The following EFCAB5 variants were observed in gnomAD, a reference collection of about 807,000 sequenced individuals.
EFCAB5 encodes the protein EF-hand calcium-binding domain-containing protein 5.
Under a neutral mutation model 167.9 loss-of-function variants are expected in EFCAB5, and 131 were observed. The ratio of observed to expected loss-of-function variants is 0.78; its 90% confidence interval spans 0.68 to 0.90. The LOEUF is 0.90. EFCAB5 is among the 40% of genes least tolerant of loss of function. EFCAB5 has a pLI of 0.00. For synonymous variants in EFCAB5, 574 were observed against 602.8 expected (o/e 0.95, Z 0.70); for missense variants, 1,663 against 1,745.2 (o/e 0.95, Z 0.84).
At chr17:29,934,241 T>TA (rs1367227365) in intron 1 of EFCAB5, among the ~76,000 whole-genome samples, 3 of 152,274 alleles carry the variant, frequency 2.0e-5, no homozygotes, top group East Asian at 1.9e-4. Flanking sequence ...AAGTAGGTGA[T>TA]AAAAAAACTT....
At chr17:30,069,509 A>C in intron 14 of EFCAB5, 1 of 1,607,510 alleles carries the variant, frequency 6.2e-7, no homozygotes, top group Non-Finnish European at 8.5e-7. Context: ...AACTGAAAAT[A>C]TCAAGGAAGG....
chr17:30,059,614 G>C lies in EFCAB5; in HGVS notation c.2650G>C (p.Asp884His), dbSNP rs759007679. Reference sequence around the variant, plus strand: ...AGCCATCTTTCAGAAGTGGGACAGTGATGGCTCAGGCTTCCTGGATCTGAA... The same window carrying C: ...AGCCATCTTTCAGAAGTGGGACAGTCATGGCTCAGGCTTCCTGGATCTGAA... ...LEAIFQKWDS[D>H]GSGFLDLKEV... Residue 884 changes from aspartate to histidine, a missense_variant, in exon 14 of 23, where the codon GAT (aspartate) becomes CAT (histidine). By Grantham distance (81) the Asp-to-His change is moderately conservative. Transcript: ENST00000394835. 6.2e-7 allele frequency: 1 copy of C among 1,612,070 alleles called. No individual in the cohort carries two copies. The highest frequency in any genetic ancestry group is 1.1e-5 in the South Asian group (1 of 90,852).
In EFCAB5 at chr17:30,041,976, T is replaced by A. The variant is rs140973069; in HGVS notation, c.1200+7591T>A. 4.0e-4 allele frequency among the ~76,000 whole-genome samples: 61 copies of A among 152,296 alleles called. No homozygotes were observed. The East Asian group carries it at 0.011, about 28-fold the overall frequency. ...CTTAAGAGACTACAGTTTAAGCTAT[T>A]GAGCACTTAATAGACTACAGTATAG... On this transcript the variant is annotated intron_variant, in intron 8 of 22. Coordinates refer to ENST00000394835, the MANE Select transcript of EFCAB5 (RefSeq NM_198529.4).
chr17:29,946,970 G>A lies in EFCAB5; in HGVS notation c.190+3321G>A, dbSNP rs2067413968. ...AAGGCCAAGGTGGGCAGATCACAAG[G>A]TCAAGAGATCGAGACCATCCTGGTG... On this transcript the variant is annotated intron_variant, in intron 3 of 22. Transcript: ENST00000394835. Among the ~76,000 whole-genome samples, 3 of 151,982 alleles carry A rather than the reference G, an allele frequency of 2.0e-5. 1 individual carries two copies. In the South Asian group the frequency reaches 6.2e-4, roughly 32 times the overall value.
chr17:30,084,044 G>A (rs1254408947), intron 18 of EFCAB5, among the ~76,000 whole-genome samples: 1 of 152,170 alleles, frequency 6.6e-6, no homozygotes, highest in Non-Finnish European at 1.5e-5. Context: ...AATGACTCTG[G>A]GAGGTGCTTG....
intron 3 of EFCAB5, chr17:29,968,209 G>A (rs1261657275): frequency 2.5e-6 from 1 of 395,928 alleles, no homozygotes; most frequent in Non-Finnish European, 5.0e-6. Context: ...CTGAACCTCA[G>A]TGTTGTAGCA....
rs139524472 is a variant in EFCAB5 at position 29,954,781 on chromosome 17, C to T, written c.190+11132C>T. Among the ~76,000 whole-genome samples, 319 of 152,326 alleles carry T rather than the reference C, an allele frequency of 2.1e-3. 5 individuals are homozygous for T. The South Asian group carries it at 0.029, about 14-fold the overall frequency. On this transcript the variant is annotated intron_variant, in intron 3 of 22. Coordinates refer to ENST00000394835, the MANE Select transcript of EFCAB5 (RefSeq NM_198529.4). Reference sequence around the variant, plus strand: ...ATCGTGCACCTGGAAAAGCCAGAGACGTTCAATGCTAGCCTGTGAAAGCAG... The same window carrying T: ...ATCGTGCACCTGGAAAAGCCAGAGATGTTCAATGCTAGCCTGTGAAAGCAG...
intron 10 of EFCAB5, among the ~76,000 whole-genome samples, chr17:30,054,576 C>G (rs1379849365): frequency 6.6e-6 from 1 of 152,144 alleles, no homozygotes; most frequent in Non-Finnish European, 1.5e-5. Flanking sequence ...AAGTCATATT[C>G]AAGACAGAAC....
chr17:30,096,677 A>ATATATATATATATATATTTTT (rs1193558323), intron 22 of EFCAB5, among the ~76,000 whole-genome samples: 1 of 60,122 alleles, frequency 1.7e-5, no homozygotes, highest in African/African-American at 8.4e-5. Flanking sequence ...ATATATATAT[A>ATATATATATATATATATTTTT]TTTTTTTTTT....
At chr17:29,990,841 C>T (rs780959022) in intron 4 of EFCAB5, among the ~76,000 whole-genome samples, 4 of 152,110 alleles carry the variant, frequency 2.6e-5, no homozygotes, top group African/African-American at 9.7e-5. Flanking sequence ...AGGTGCTGCT[C>T]GAACAGTCAC....
chr17:29,965,006 A>C (rs1355280881), intron 3 of EFCAB5, among the ~76,000 whole-genome samples: 1 of 150,650 alleles, frequency 6.6e-6, no homozygotes, highest in Non-Finnish European at 1.5e-5. Flanking sequence ...GGTTCACACC[A>C]TTCTCCTGCC....
At chr17:30,077,027 G>A (rs2070881279) in intron 14 of EFCAB5, among the ~76,000 whole-genome samples, 1 of 152,182 alleles carries the variant, frequency 6.6e-6, no homozygotes, top group Non-Finnish European at 1.5e-5. Context: ...AACTGGCTGG[G>A]CACAGTGGCT....
At chr17:29,937,387 A>G (rs775475452), upstream of EFCAB5, among the ~76,000 whole-genome samples, 2 of 152,014 alleles carry the variant, frequency 1.3e-5, no homozygotes, top group African/African-American at 2.4e-5. Context: ...GGGTTTCACC[A>G]TGTTGACCAG....
rs2067903355 is a variant in EFCAB5 at position 29,969,362 on chromosome 17, CA to C, written c.764del (p.Asn255ThrfsTer6). On this transcript the variant is annotated frameshift_variant, in exon 4 of 23. Coordinates refer to ENST00000394835, the MANE Select transcript of EFCAB5 (RefSeq NM_198529.4). LOFTEE classifies it high-confidence loss of function. ...AGATATATGTTCCTGACACTATCTG[CA>C]ACAGGTACAATCTGTTATAGTTTCA... ...LKIYVPDTICNRVSKMKENVK... is the reference protein window; with the variant it reads ...LKIYVPDTICXRVSKMKENVK... 6.3e-7 allele frequency: 1 copy of C among 1,578,512 alleles called. No individual in the cohort carries two copies. Among genetic ancestry groups the C allele is most frequent in the Non-Finnish European group, 8.6e-7 (1 of 1,164,910 alleles).
chr17:29,942,873 A>C (rs1040371024), intron 2 of EFCAB5, among the ~76,000 whole-genome samples: 2 of 152,088 alleles, frequency 1.3e-5, no homozygotes, highest in African/African-American at 4.8e-5. Flanking sequence ...CTCCATCTCT[A>C]CTAATAATAC....
At chr17:30,046,284 G>GC (rs1366402940) in intron 8 of EFCAB5, among the ~76,000 whole-genome samples, 2 of 152,108 alleles carry the variant, frequency 1.3e-5, no homozygotes, top group Non-Finnish European at 2.9e-5. Flanking sequence ...ACTTATGGTT[G>GC]CTTGGGTTGA....
rs143490689 is a variant in EFCAB5, at chr17:29,974,814, A to G, written c.767+5447A>G. Among the ~76,000 whole-genome samples the G allele has an allele frequency of 4.1e-4, 62 of 152,266 alleles. No individual in the cohort carries two copies. In the East Asian group the frequency reaches 0.011, roughly 28 times the overall value. On this transcript the variant is annotated intron_variant, in intron 4 of 22. Transcript: ENST00000394835. Reference sequence around the variant, plus strand: ...AATGAGAGAGCATGGCTGTGTTCCAATGAAACTTTATTAGTGGATACTGAA... The same window carrying G: ...AATGAGAGAGCATGGCTGTGTTCCAGTGAAACTTTATTAGTGGATACTGAA...
At chr17:29,932,449 CTTTTTTT>C (rs35262851) in intron 1 of EFCAB5, among the ~76,000 whole-genome samples, 53 of 66,750 alleles carry the variant, frequency 7.9e-4, no homozygotes, top group African/African-American at 2.4e-3. Context: ...CTGTGCCCGG[CTTTTTTT>C]TTTTTTTTTT....
chr17:29,965,618 T>C (rs2067813794), intron 3 of EFCAB5, among the ~76,000 whole-genome samples: 1 of 152,248 alleles, frequency 6.6e-6, no homozygotes, highest in Non-Finnish European at 1.5e-5. Context: ...TAGATATCAG[T>C]TGTCATGGCA....
Sources: allele counts gnomAD v4.1 joint callset (sites outside exome capture counted in the v4.1 genomes callset), GRCh38; gene constraint gnomAD v4.1.1; transcripts MANE v1.5; gene names NCBI Gene and HGNC (gene_info 2026-07-23, HGNC 2026-07-21).